The following USP20 variants were observed in gnomAD, a reference collection of about 807,000 sequenced individuals.
USP20 encodes the protein ubiquitin specific peptidase 20, also known as ubiquitin carboxyl-terminal hydrolase 20.
A neutral mutation model predicts 124.2 loss-of-function variants in USP20; 80 were observed. The observed-to-expected ratio is 0.64, with a 90% CI of 0.54 to 0.78. The LOEUF (loss-of-function observed/expected upper bound fraction) is 0.78, where lower values mean the gene tolerates loss of function less well. Among genes scored for constraint, USP20 ranks in the 30% least tolerant of loss-of-function variants. The pLI, the probability that USP20 is intolerant of heterozygous loss-of-function variation, is 0.00. For synonymous variants in USP20, 481 were observed against 512.3 expected (o/e 0.94, Z 0.83); for missense variants, 1,043 against 1,244.4 (o/e 0.84, Z 2.44).
At chr9:129,847,897 A>AT (rs35466615) in intron 1 of USP20, among the ~76,000 whole-genome samples, 4,383 of 133,792 alleles carry the variant, frequency 0.033, 67 homozygotes, top group African/African-American at 0.045. Flanking sequence ...TTTGTATCTG[A>AT]TTTTTTTTTT....
At chr9:129,842,640 C>A (rs1256787620) in intron 1 of USP20, among the ~76,000 whole-genome samples, 1 of 150,562 alleles carries the variant, frequency 6.6e-6, no homozygotes, top group Non-Finnish European at 1.5e-5. Flanking sequence ...GTTGCCCAGG[C>A]TGGAGTGCAA....
In USP20 at chr9:129,858,107, G is replaced by A; in HGVS notation, c.193G>A (p.Ala65Thr). ...CTTTGCTGACCACAGCACCATTCATGCACAGGTGAGTGTGGTGGCTGAGAG... is the reference window on the plus strand; with the variant it reads ...CTTTGCTGACCACAGCACCATTCATACACAGGTGAGTGTGGTGGCTGAGAG... ...ESFADHSTIH[A>T]QAKKHNLTVN... Residue 65 changes from alanine (A) to threonine (T), a missense_variant, in exon 5 of 26, where the codon GCA (alanine) becomes ACA (threonine). Ala to Thr is a moderately conservative substitution (Grantham distance 58, BLOSUM62 0). Coordinates refer to ENST00000372429, the MANE Select transcript of USP20 (RefSeq NM_001110303.4). The A allele has an allele frequency of 1.9e-6, 3 of 1,613,832 alleles. No homozygotes were observed. The highest frequency in any genetic ancestry group is 2.5e-6 in the Non-Finnish European group (3 of 1,180,012).
In USP20 at chr9:129,876,146, G is replaced by T. The variant is rs368236937; in HGVS notation, c.2317G>T (p.Ala773Ser). The change falls in exon 22 of 26, where the codon GCC becomes TCC. Residue 773 changes from alanine to serine, a missense_variant. Physicochemically the swap from Ala to Ser is moderately conservative, Grantham distance 99. Coordinates refer to ENST00000372429, the MANE Select transcript of USP20 (RefSeq NM_001110303.4). ...HLYNRFGGGP[A>S]VNHLYVCSIC... ...TGGGCACAGATTCGGGGGTGGCCCC[G>T]CCGTGAACCACCTGTACGTGTGCTC... The T allele has an allele frequency of 3.1e-6, 5 of 1,613,066 alleles. No individual in the cohort carries two copies. The highest frequency in any genetic ancestry group is 4.5e-5 in the East Asian group (2 of 44,884).
intron 3 of USP20, 90 bp from the exon 4 acceptor site, chr9:129,856,216 GT>G: frequency 7.5e-7 from 1 of 1,328,150 alleles, no homozygotes; most frequent in East Asian, 2.3e-5. Context: ...TGTCAGCCAG[GT>G]GGGGCCCTCC....
intron 9 of USP20, among the ~76,000 whole-genome samples, chr9:129,864,112 A>C (rs910123906): frequency 4.0e-5 from 6 of 151,392 alleles, no homozygotes; most frequent in African/African-American, 9.7e-5. Flanking sequence ...CTCAAAAAAA[A>C]AAAAACAAAA....
intron 1 of USP20, among the ~76,000 whole-genome samples, chr9:129,847,910 T>A (rs1303589338): frequency 6.6e-6 from 1 of 151,952 alleles, no homozygotes; most frequent in Non-Finnish European, 1.5e-5. Context: ...TTTTTTTTTT[T>A]TTTTGCTCAG....
rs1405989323 is a variant in USP20, at chr9:129,846,243, ATATATTTTTTTTTTT to A, written c.-128-3568_-128-3554del. ...TGCGCCCAGCCATATATATATATAT[ATATATTTTTTTTTTT>A]TTTTTTTTTTTTTTTGAGATAGGGT... On this transcript the variant is annotated intron_variant, in intron 1 of 25. Coordinates refer to ENST00000372429, the MANE Select transcript of USP20 (RefSeq NM_001110303.4). Among the ~76,000 whole-genome samples, 202 of 36,036 alleles carry A rather than the reference ATATATTTTTTTTTTT, an allele frequency of 5.6e-3. 7 individuals carry two copies. In the East Asian group the frequency reaches 0.078, roughly 14 times the overall value. The allele number at this position is 36,036 out of a possible 152,430, so 23.6% of individuals were successfully genotyped here.
chr9:129,876,570 C>T (rs915562453), intron 22 of USP20, among the ~76,000 whole-genome samples: 1 of 149,584 alleles, frequency 6.7e-6, no homozygotes, highest in African/African-American at 2.5e-5. Context: ...ACCTGGGAGG[C>T]GGAGGTTTCA....
intron 4 of USP20, 45 bp from the exon 5 acceptor site, chr9:129,858,005 T>G (rs369783948): frequency 3.2e-6 from 5 of 1,567,342 alleles, no homozygotes; most frequent in Non-Finnish European, 4.4e-6. Context: ...GTTGACACCA[T>G]CCTTTTGGCA....
Position 129,879,429 on chromosome 9 carries a change from C to T in USP20, c.2513-144C>T. On this transcript the variant is annotated intron_variant, in intron 23 of 25. Transcript: ENST00000372429. This position sits in a 1 kb window ranked among gnomAD's most constrained non-coding sequence, Gnocchi z 4.2. ...GGGTCCTCAGACTGCCACAGAGGAG[C>T]ATTGGGTGGCTCAGGCGCCTCATCC... 1.4e-6 allele frequency: 1 copy of T among 723,426 alleles called. No homozygotes were observed. The highest frequency in any genetic ancestry group is 2.4e-6 in the Non-Finnish European group (1 of 416,538). The allele number at this position is 723,426 out of a possible 1,614,324, so 44.8% of individuals were successfully genotyped here. A position where few individuals can be genotyped will look rare whatever the true frequency, so the allele number is the denominator to read the frequency against.
intron 4 of USP20, among the ~76,000 whole-genome samples, chr9:129,857,324 A>G (rs902138973): frequency 2.0e-5 from 3 of 152,244 alleles, no homozygotes; most frequent in Non-Finnish European, 2.9e-5. Context: ...TAGGAGCCTG[A>G]TGCAGAAAAT....
chr9:129,873,212 T>A (rs949453089), intron 15 of USP20, among the ~76,000 whole-genome samples: 65 of 148,652 alleles, frequency 4.4e-4, no homozygotes, highest in African/African-American at 1.6e-3. Flanking sequence ...GCCTCCTGAG[T>A]AGCTGGGATT....
At chr9:129,847,717 A>G (rs1455657080) in intron 1 of USP20, among the ~76,000 whole-genome samples, 4 of 152,186 alleles carry the variant, frequency 2.6e-5, no homozygotes, top group Non-Finnish European at 2.9e-5. Flanking sequence ...ACACTTGATT[A>G]AACCCCACAC....
At chr9:129,871,905 G>A (rs2034146510) in intron 15 of USP20, among the ~76,000 whole-genome samples, 1 of 151,750 alleles carries the variant, frequency 6.6e-6, no homozygotes, top group African/African-American at 2.4e-5. Flanking sequence ...TTAGTAGAAT[G>A]GGGTTTCACC....
intron 2 of USP20, among the ~76,000 whole-genome samples, chr9:129,850,237 C>T (rs1027875215): frequency 9.2e-5 from 14 of 151,912 alleles, no homozygotes; most frequent in African/African-American, 4.8e-5. Flanking sequence ...TCTTTATGCT[C>T]ATCTTTAATG....
Position 129,860,955 on chromosome 9 carries a change from C to T in USP20, c.349C>T (p.His117Tyr). 1.2e-6 allele frequency: 2 copies of T among 1,613,248 alleles called. No individual in the cohort carries two copies. The highest frequency in any genetic ancestry group is 1.7e-5 in the Admixed American group (1 of 60,016). Reference protein sequence around the residue: ...FSEQDSPPPSHPLKAVPIAVA... With the variant: ...FSEQDSPPPSYPLKAVPIAVA... The stretch of plus-strand genomic sequence containing the variant: ...AACACAGGACTCCCCGCCACCCTCC[C>T]ACCCTCTGAAAGCTGTTCCTATTGC... Residue 117 changes from histidine (H) to tyrosine (Y), a missense_variant, in exon 7 of 26, where the codon CAC becomes TAC. Transcript: ENST00000372429.
intron 15 of USP20, among the ~76,000 whole-genome samples, chr9:129,872,755 T>A (rs2034186170): frequency 6.6e-6 from 1 of 152,168 alleles, no homozygotes; most frequent in South Asian, 2.1e-4. Context: ...CATGGTGGCA[T>A]GTACCTGTGA....
rs1564222161 is a variant in USP20 at position 129,875,364 on chromosome 9, C to T, written c.2103C>T (p.Ala701=). 2 of 1,613,050 alleles carry T rather than the reference C, an allele frequency of 1.2e-6. No homozygotes were observed. Among genetic ancestry groups the T allele is most frequent in the East Asian group, 2.2e-5 (1 of 44,884 alleles). Residue 701 remains alanine, a synonymous_variant, in exon 20 of 26, where the codon GCC becomes GCT. Transcript: ENST00000372429. ...GACAGCAGGTGGTGTCCCTGGCCGC[C>T]ATGCGGGAGCCCAGCCTGCTGCGGT... ...RERQQVVSLA[A]MREPSLLRFY...
In USP20 at chr9:129,868,233, G is replaced by A. The variant is rs1407122482; in HGVS notation, c.919G>A (p.Ala307Thr). The A allele has an allele frequency of 6.2e-7, 1 of 1,613,856 alleles. No individual in the cohort carries two copies. Among genetic ancestry groups the A allele is most frequent in the Non-Finnish European group, 8.5e-7 (1 of 1,179,896 alleles). Reference protein sequence around the residue: ...GQGRGGGSSQAETELLIPDEA... With the variant: ...GQGRGGGSSQTETELLIPDEA... ...GGGGCGTGGCGGGGGCAGCTCGCAG[G>A]CCGAGACGGAGCTGCTGATCCCAGA... The change falls in exon 11 of 26, where the codon GCC becomes ACC. Residue 307 changes from alanine to threonine, a missense_variant. Ala to Thr is a moderately conservative substitution (Grantham distance 58). Coordinates refer to ENST00000372429, the MANE Select transcript of USP20 (RefSeq NM_001110303.4).
Sources: allele counts gnomAD v4.1 joint callset (sites outside exome capture counted in the v4.1 genomes callset), GRCh38; gene constraint gnomAD v4.1.1; non-coding constraint Gnocchi (gnomAD v3.1); transcripts MANE v1.5; gene names NCBI Gene and HGNC (gene_info 2026-07-23, HGNC 2026-07-21).